Variants in RIMS2 observed in about 807,000 individuals in gnomAD.
RIMS2 encodes regulating synaptic membrane exocytosis 2.
In RIMS2, 59 loss-of-function variants were observed where a neutral mutation model predicts 174.4. That is an observed-to-expected ratio of 0.34 (90% CI 0.27 to 0.42). The LOEUF (loss-of-function observed/expected upper bound fraction) is 0.42, where lower values mean the gene tolerates loss of function less well. RIMS2 is among the 10% of genes least tolerant of loss of function. The probability of loss-of-function intolerance (pLI) is 1.00; values close to 1 mark genes in which losing one functional copy is unlikely to be tolerated. For synonymous variants in RIMS2, 606 were observed against 572.5 expected (o/e 1.06, Z -0.84); for missense variants, 1,620 against 1,666.3 (o/e 0.97, Z 0.48).
intron 15 of RIMS2, among the ~76,000 whole-genome samples, chr8:103,967,258 A>G (rs1414280836): frequency 1.5e-5 from 2 of 131,456 alleles, no homozygotes; most frequent in South Asian, 2.3e-4. Context: ...ATCTTGGCTC[A>G]CTGCAACCTC....
At chr8:103,902,007 G>T (rs1276059302) in intron 4 of RIMS2, among the ~76,000 whole-genome samples, 1 of 152,150 alleles carries the variant, frequency 6.6e-6, no homozygotes, top group East Asian at 1.9e-4. Context: ...AGGAGTCTTA[G>T]CATGGCTAAG....
chr8:104,036,368 G>T (rs888745240), intron 19 of RIMS2, among the ~76,000 whole-genome samples: 1 of 151,408 alleles, frequency 6.6e-6, no homozygotes, highest in Admixed American at 6.6e-5. Context: ...AGCCAGGATG[G>T]TCTCTATCTC....
At chr8:103,888,150 T>G (rs144491855) in intron 4 of RIMS2, among the ~76,000 whole-genome samples, 3 of 151,542 alleles carry the variant, frequency 2.0e-5, no homozygotes, top group Non-Finnish European at 3.0e-5. Flanking sequence ...TCTAATATAA[T>G]ATATTAAAAC....
chr8:103,694,333 G>A (rs1392648280), intron 1 of RIMS2, among the ~76,000 whole-genome samples: 1 of 152,146 alleles, frequency 6.6e-6, no homozygotes, highest in Non-Finnish European at 1.5e-5. Context: ...TAGGGCTACA[G>A]GGGCTGGTCT....
At chr8:103,528,336 T>A (rs1228060846) in intron 1 of RIMS2, among the ~76,000 whole-genome samples, 1 of 152,168 alleles carries the variant, frequency 6.6e-6, no homozygotes, top group East Asian at 1.9e-4. Flanking sequence ...TTCCATTCTG[T>A]AGGTTGCCTG....
At chr8:103,520,820 C>A (rs1027456017) in intron 1 of RIMS2, among the ~76,000 whole-genome samples, 1 of 151,998 alleles carries the variant, frequency 6.6e-6, no homozygotes, top group Non-Finnish European at 1.5e-5. Flanking sequence ...AAATCACCAT[C>A]TTTCAAATAG....
At chr8:103,639,601 G>C (rs2096178582) in intron 1 of RIMS2, among the ~76,000 whole-genome samples, 1 of 151,798 alleles carries the variant, frequency 6.6e-6, no homozygotes, top group Non-Finnish European at 1.5e-5. Context: ...TTGATATTTA[G>C]TCATGCTGTT....
At chr8:104,252,875 TC>T (rs2099362388), downstream of RIMS2, 1 of 152,170 alleles carries the variant, frequency 6.6e-6, no homozygotes, top group Non-Finnish European at 1.5e-5. Flanking sequence ...CTTTTCTTTC[TC>T]CCTGCCAGAG....
At chr8:103,891,930 A>G (rs1004364683) in intron 4 of RIMS2, among the ~76,000 whole-genome samples, 3 of 151,796 alleles carry the variant, frequency 2.0e-5, no homozygotes, top group Non-Finnish European at 4.4e-5. Context: ...TCGGCTTTGT[A>G]TTTGTCTGAG....
At chr8:104,190,513 C>A (rs2098992005) in intron 19 of RIMS2, among the ~76,000 whole-genome samples, 1 of 151,968 alleles carries the variant, frequency 6.6e-6, no homozygotes, top group Non-Finnish European at 1.5e-5. Context: ...CGGTGTCTTG[C>A]CTGAATTTCC....
intron 13 of RIMS2, among the ~76,000 whole-genome samples, chr8:103,939,247 C>T (rs1428295254): frequency 1.3e-5 from 2 of 152,248 alleles, no homozygotes; most frequent in African/African-American, 2.4e-5. Flanking sequence ...CATTTCCATA[C>T]ATCCTCTGAA....
intron 19 of RIMS2, among the ~76,000 whole-genome samples, chr8:104,166,059 CTTTTTT>C (rs560648211): frequency 0.065 from 6,340 of 97,470 alleles, 95 homozygotes; most frequent in East Asian, 0.16. Flanking sequence ...TTTTGGATTT[CTTTTTT>C]TTTTTTTTTT....
chr8:104,117,533 ATC>A (rs564261499), intron 19 of RIMS2, among the ~76,000 whole-genome samples: 33 of 152,018 alleles, frequency 2.2e-4, no homozygotes, highest in African/African-American at 7.2e-4. Flanking sequence ...TAGTGATGGT[ATC>A]TCTCTCTGTT....
At position 103,989,838 on chromosome 8, in the gene RIMS2, A is replaced by C. The variant is rs187507218; in HGVS notation, c.3044+417A>C. 5.3e-5 allele frequency among the ~76,000 whole-genome samples: 8 copies of C among 152,312 alleles called. No individual in the cohort carries two copies. The East Asian group carries it at 1.5e-3, about 29-fold the overall frequency. ...ATCAGAGAAATTGGTGTGACTTTTC[A>C]CATATGGAAGTATTGAGACGGAGTC... On this transcript the variant is annotated intron_variant, in intron 17 of 23. Coordinates refer to ENST00000504942, the Ensembl canonical transcript of RIMS2.
intron 3 of RIMS2, among the ~76,000 whole-genome samples, chr8:103,824,919 A>C (rs573978642): frequency 1.3e-5 from 2 of 152,294 alleles, no homozygotes; most frequent in South Asian, 4.1e-4. Flanking sequence ...GTAAGGATTT[A>C]TTTGTGCCTG....
At chr8:103,791,142 G>GAAAAAGGAAA (rs2098494717) in intron 3 of RIMS2, among the ~76,000 whole-genome samples, 1 of 152,180 alleles carries the variant, frequency 6.6e-6, no homozygotes, top group Non-Finnish European at 1.5e-5. Flanking sequence ...AAGTTGAAAT[G>GAAAAAGGAAA]AAGGAAAAAA....
chr8:103,608,277 C>T (rs2134055754), intron 1 of RIMS2, among the ~76,000 whole-genome samples: 1 of 143,380 alleles, frequency 7.0e-6, no homozygotes, highest in African/African-American at 2.7e-5. Flanking sequence ...GTCAATCTGC[C>T]CCTGCTGGGG....
intron 4 of RIMS2, among the ~76,000 whole-genome samples, chr8:103,894,913 TAA>T (rs2099268703): frequency 6.6e-6 from 1 of 151,630 alleles, no homozygotes; most frequent in Non-Finnish European, 1.5e-5. Context: ...TCATTTTCGA[TAA>T]AGTTATCTTG....
At chr8:103,566,878 C>T (rs1587904458) in intron 1 of RIMS2, among the ~76,000 whole-genome samples, 1 of 152,094 alleles carries the variant, frequency 6.6e-6, no homozygotes, top group Non-Finnish European at 1.5e-5. Context: ...ATGTTGAGTT[C>T]AATGCTTTCT....
Sources: allele counts gnomAD v4.1 joint callset (sites outside exome capture counted in the v4.1 genomes callset), GRCh38; gene constraint gnomAD v4.1.1; transcripts MANE v1.5; gene names NCBI Gene and HGNC (gene_info 2026-07-23, HGNC 2026-07-21).